The following ANKRD36 variants were observed in gnomAD, a reference collection of about 807,000 sequenced individuals.
ANKRD36 encodes ankyrin repeat domain-containing protein 36A.
A neutral mutation model predicts 278.1 loss-of-function variants in ANKRD36; 179 were observed. The observed-to-expected ratio is 0.64, with a 90% CI of 0.57 to 0.73. ANKRD36 has a LOEUF of 0.73. ANKRD36 is among the 30% of genes least tolerant of loss of function. ANKRD36 has a pLI of 0.00. For missense variants in ANKRD36, 1,159 were observed against 1,956.7 expected (o/e 0.59, Z 7.69); for synonymous variants, 320 against 641.1 (o/e 0.50, Z 7.57).
chr2:97,172,288 ATAT>A (rs986658485), intron 22 of ANKRD36, among the ~76,000 whole-genome samples: 24 of 151,882 alleles, frequency 1.6e-4, no homozygotes, highest in African/African-American at 5.8e-4. Context: ...AATCAGTGAT[ATAT>A]ATTTCAGATC....
chr2:97,198,394 C>A, intron 42 of ANKRD36, 69 bp from the exon 43 acceptor site: 1 of 1,550,518 alleles, frequency 6.4e-7, no homozygotes, highest in South Asian at 1.2e-5. Flanking sequence ...GATGCTAACA[C>A]TGTATGAATG....
At chr2:97,243,184 T>TC (rs1346339793) in intron 69 of ANKRD36, among the ~76,000 whole-genome samples, 5 of 141,608 alleles carry the variant, frequency 3.5e-5, no homozygotes, top group Admixed American at 2.2e-4. Flanking sequence ...GTGGTCGGGG[T>TC]GCAGCTTGGT....
At chr2:97,126,320 G>C (rs908109550) in intron 5 of ANKRD36, among the ~76,000 whole-genome samples, 1 of 147,412 alleles carries the variant, frequency 6.8e-6, no homozygotes, top group Non-Finnish European at 1.5e-5. Flanking sequence ...AGAGTCTGTA[G>C]AGAAGTAATA....
At chr2:97,177,686 T>C (rs912831444) in intron 22 of ANKRD36, among the ~76,000 whole-genome samples, 4 of 151,722 alleles carry the variant, frequency 2.6e-5, no homozygotes, top group Non-Finnish European at 5.9e-5. Context: ...TCAAGATGGA[T>C]TAAAGACTTA....
chr2:97,116,525 C>T (rs1404517824), intron 1 of ANKRD36, among the ~76,000 whole-genome samples: 4 of 152,022 alleles, frequency 2.6e-5, no homozygotes, highest in Admixed American at 6.6e-5. Context: ...CCCCGTGCCT[C>T]GGCCTCCCAA....
Position 97,199,323 on chromosome 2 carries a change from G to T in ANKRD36, c.2755+665G>T, listed in dbSNP as rs550386239. On this transcript the variant is annotated intron_variant, in intron 44 of 75. Transcript: ENST00000420699. ...TGACCCCTTACTCTTCTTGTTACTA[G>T]GAGGCCTCAGAGATACATGTTTTGT... Among the ~76,000 whole-genome samples the T allele has an allele frequency of 4.7e-4, 72 of 152,004 alleles. 1 individual carries two copies. The South Asian group carries it at 0.011, about 24-fold the overall frequency.
Position 97,207,375 on chromosome 2 carries a change from A to G in ANKRD36, c.3164-436A>G, listed in dbSNP as rs1325231454. Among the ~76,000 whole-genome samples, 12 of 151,462 alleles carry G rather than the reference A, an allele frequency of 7.9e-5. No individual in the cohort carries two copies. In the Admixed American group the frequency reaches 7.9e-4, roughly 10 times the overall value. On this transcript the variant is annotated intron_variant, in intron 52 of 75. Coordinates refer to ENST00000420699, the MANE Select transcript of ANKRD36 (RefSeq NM_001354587.1). The stretch of plus-strand genomic sequence containing the variant: ...TTGTGTGCCTTCTCAGTTATTGGGC[A>G]AGTTAAAGAGCATGATGAATGTTTG...
intron 5 of ANKRD36, among the ~76,000 whole-genome samples, chr2:97,125,676 T>C (rs2443925): frequency 5.0e-4 from 75 of 150,766 alleles, no homozygotes; most frequent in Non-Finnish European, 6.8e-4. Context: ...GAGTAGTAGG[T>C]ATCAACTTGT....
intron 54 of ANKRD36, among the ~76,000 whole-genome samples, chr2:97,208,348 A>G (rs1304364873): frequency 1.4e-5 from 2 of 146,632 alleles, no homozygotes; most frequent in Non-Finnish European, 3.0e-5. Context: ...TAGAATTTAC[A>G]CACTTCAGCT....
chr2:97,191,016 C>T lies in ANKRD36; in HGVS notation c.2274+10C>T, dbSNP rs769459425. 2.5e-6 allele frequency: 4 copies of T among 1,604,860 alleles called. No homozygotes were observed. Among genetic ancestry groups the T allele is most frequent in the Non-Finnish European group, 3.4e-6 (4 of 1,175,770 alleles). ...ACAACCAGCCTTGAAGGTAATTAAA[C>T]TCTCATTTATATTGTGAACTAGTAA... On this transcript the variant is annotated intron_variant, in intron 35 of 75. Coordinates refer to ENST00000420699, the MANE Select transcript of ANKRD36 (RefSeq NM_001354587.1).
chr2:97,183,354 C>A, intron 26 of ANKRD36, 105 bp from the exon 27 acceptor site: 4 of 1,342,316 alleles, frequency 3.0e-6, no homozygotes. Context: ...AAATCCTACA[C>A]TAGTGCAGGC....
At chr2:97,242,288 CAAA>C (rs377748316) in intron 69 of ANKRD36, among the ~76,000 whole-genome samples, 2 of 124,000 alleles carry the variant, frequency 1.6e-5, no homozygotes, top group African/African-American at 2.9e-5. Flanking sequence ...GACTCCCTCT[CAAA>C]AAAAAAAAAA....
At chr2:97,156,629 A>G (rs1166301517) in intron 15 of ANKRD36, among the ~76,000 whole-genome samples, 5 of 127,908 alleles carry the variant, frequency 3.9e-5, no homozygotes, top group African/African-American at 1.4e-4. Flanking sequence ...ATTGTTGGAC[A>G]TTTGGGTTGG....
chr2:97,191,533 C>T (rs143606110), intron 36 of ANKRD36, among the ~76,000 whole-genome samples: 151 of 151,706 alleles, frequency 1.0e-3, no homozygotes, highest in African/African-American at 3.3e-3. Flanking sequence ...AACGTCACAT[C>T]GTACTGCTAA....
At chr2:97,148,924 A>G (rs1240603609) in intron 11 of ANKRD36, among the ~76,000 whole-genome samples, 1 of 152,290 alleles carries the variant, frequency 6.6e-6, no homozygotes, top group Non-Finnish European at 1.5e-5. Flanking sequence ...TTCAGTAACA[A>G]AAGTTGTGTC....
At chr2:97,146,230 G>A (rs1187993746) in intron 10 of ANKRD36, among the ~76,000 whole-genome samples, 1 of 150,090 alleles carries the variant, frequency 6.7e-6, no homozygotes, top group Non-Finnish European at 1.5e-5. Context: ...GCCTCACAAA[G>A]TGCTGGGATT....
chr2:97,197,258 A>G (rs1287128816), intron 42 of ANKRD36, among the ~76,000 whole-genome samples: 2 of 151,926 alleles, frequency 1.3e-5, no homozygotes, highest in Non-Finnish European at 2.9e-5. Context: ...GTGAGGCAGG[A>G]AGGTGTGAAA....
At chr2:97,202,456 A>G (rs2061652313) in intron 48 of ANKRD36, 63 bp downstream of exon 48, 2 of 1,536,590 alleles carry the variant, frequency 1.3e-6, no homozygotes, top group Middle Eastern at 1.7e-4. Context: ...TCTCTTCCCC[A>G]AATAAATCAG....
intron 6 of ANKRD36, among the ~76,000 whole-genome samples, chr2:97,131,023 ATTAAG>A (rs1196617331): frequency 6.6e-5 from 10 of 152,122 alleles, no homozygotes; most frequent in South Asian, 4.2e-4. Flanking sequence ...AAATTTTCAA[ATTAAG>A]TTAAGACACT....
Sources: gnomAD v4.1 joint callset for allele counts (sites outside exome capture counted in the v4.1 genomes callset) on GRCh38, gnomAD v4.1.1 for gene constraint, MANE v1.5 for transcripts, NCBI Gene and HGNC (gene_info 2026-07-23, HGNC 2026-07-21) for gene names.